LPO: variants seen among roughly 807,000 people sequenced by gnomAD.
LPO encodes the protein salivary peroxidase.
In LPO, 70 loss-of-function variants were observed where a neutral mutation model predicts 68.4. The observed-to-expected ratio is 1.02, with a 90% CI of 0.84 to 1.25. LPO has a LOEUF of 1.25. Among genes scored for constraint, LPO ranks in the 50% most tolerant of loss-of-function variants. The pLI, the probability that LPO is intolerant of heterozygous loss-of-function variation, is 0.00. For missense variants in LPO, 873 were observed against 908.4 expected, an observed-to-expected ratio of 0.96 and a Z score of 0.50; for synonymous variants, 360 against 357.6, an observed-to-expected ratio of 1.01 and a Z score of -0.08.
At chr17:58,255,121 A>T (rs1459143567) in intron 9 of LPO, 150 bp downstream of exon 9, 1 of 699,032 alleles carries the variant, frequency 1.4e-6, no homozygotes, top group Non-Finnish European at 2.3e-6. Context: ...TTGTTGTCTC[A>T]TTCTTTGAAA....
chr17:58,246,632 A>G (rs1325897999), intron 3 of LPO, among the ~76,000 whole-genome samples: 1 of 152,174 alleles, frequency 6.6e-6, no homozygotes, highest in East Asian at 1.9e-4. Context: ...TTACAGGCTA[A>G]GCCCAGGGAG....
chr17:58,253,022 CAAAA>C (rs765890765), intron 8 of LPO, among the ~76,000 whole-genome samples: 51 of 31,104 alleles, frequency 1.6e-3, no homozygotes, highest in African/African-American at 5.9e-3. Flanking sequence ...GACTCCATCT[CAAAA>C]AAAAAAAAAA....
chr17:58,252,812 A>G (rs1269942581), intron 8 of LPO, among the ~76,000 whole-genome samples: 1 of 152,088 alleles, frequency 6.6e-6, no homozygotes, highest in Non-Finnish European at 1.5e-5. Context: ...TCATGAGGTC[A>G]CGAGATCGAG....
chr17:58,247,392 T>TAC, intron 3 of LPO, 86 bp from the exon 4 acceptor site: 1 of 1,284,606 alleles, frequency 7.8e-7, no homozygotes, highest in South Asian at 1.4e-5. Context: ...GGCCATGTTG[T>TAC]ACACACACCC....
At chr17:58,255,689 T>C (rs1970057741) in intron 9 of LPO, among the ~76,000 whole-genome samples, 1 of 152,124 alleles carries the variant, frequency 6.6e-6, no homozygotes, top group African/African-American at 2.4e-5. Context: ...ATTCTAAGAA[T>C]TGTACAGGAA....
Position 58,268,158 on chromosome 17 carries a change from G to A in LPO, c.*164G>A. On this transcript the variant is annotated 3_prime_UTR_variant, in exon 13 of 13. Coordinates refer to ENST00000262290, the MANE Select transcript of LPO (RefSeq NM_006151.3). ...AGCTTGCTCAGGCCCCAGGGTGGCT[G>A]CCTCGGCCCTCCCAGCTCTTACACT... 3.0e-6 allele frequency: 2 copies of A among 667,368 alleles called. No homozygotes were observed. Among genetic ancestry groups the A allele is most frequent in the Non-Finnish European group, 5.0e-6 (2 of 397,830 alleles). The allele number at this position is 667,368 out of a possible 1,614,324, so 41.3% of individuals were successfully genotyped here. A position where few individuals can be genotyped will look rare whatever the true frequency, so the allele number is the denominator to read the frequency against.
chr17:58,267,953 G>A lies in LPO; in HGVS notation c.2098G>A (p.Asp700Asn), dbSNP rs8178412. ...PYDFVDCSAI[D>N]KLDLSPWASV... is the part of the protein sequence containing the mutation. ...TGACTTCGTGGATTGCTCAGCCATC[G>A]ACAAGCTGGACCTGTCACCCTGGGC... Residue 700 changes from aspartate to asparagine, a missense_variant, in exon 13 of 13, where the codon GAC (aspartate) becomes AAC (asparagine). Coordinates refer to ENST00000262290, the MANE Select transcript of LPO (RefSeq NM_006151.3). The A allele has an allele frequency of 7.2e-5, 117 of 1,614,042 alleles. 1 individual carries two copies. In the East Asian group the frequency reaches 2.0e-3, roughly 28 times the overall value.
At chr17:58,248,702 A>G (rs945901678) in intron 4 of LPO, among the ~76,000 whole-genome samples, 1 of 152,052 alleles carries the variant, frequency 6.6e-6, no homozygotes, top group Non-Finnish European at 1.5e-5. Context: ...TCATACTAAC[A>G]TATGCTTAAC....
intron 9 of LPO, among the ~76,000 whole-genome samples, chr17:58,263,641 G>A (rs1474463013): frequency 1.3e-5 from 2 of 152,042 alleles, no homozygotes; most frequent in Non-Finnish European, 2.9e-5. Context: ...TGGGGGTGCT[G>A]AGGCAAGAGG....
rs1368668566 is a variant in LPO at position 58,267,419 on chromosome 17, G to A, written c.1764G>A (p.Leu588=). 2 of 1,614,114 alleles carry A rather than the reference G, an allele frequency of 1.2e-6. No individual in the cohort carries two copies. The highest frequency in any genetic ancestry group is 1.7e-5 in the Admixed American group (1 of 60,006). ...CACTAGAGGAGTTGAACACAGTGCT[G>A]AAGAGCAAGATGCTGGCCAAGAAGT... is the stretch of plus-strand genomic sequence containing the variant. ...PQTLEELNTV[L]KSKMLAKKLL... The change falls in exon 12 of 13, where the codon CTG becomes CTA. Residue 588 remains leucine (L), a synonymous_variant. Transcript: ENST00000262290.
intron 1 of LPO, chr17:58,242,736 C>A: frequency 6.6e-6 from 3 of 453,716 alleles, no homozygotes; most frequent in Non-Finnish European, 1.2e-5. Context: ...TAACTCAGGG[C>A]CTTAGATCCT....
intron 7 of LPO, 96 bp downstream of exon 7, chr17:58,250,717 T>C (rs2143907152): frequency 1.6e-6 from 2 of 1,278,958 alleles, no homozygotes; most frequent in East Asian, 4.8e-5. Flanking sequence ...TGGATAGATC[T>C]GGGATACTGA....
At position 58,250,601 on chromosome 17, in the gene LPO, G is replaced by C; in HGVS notation, c.760G>C (p.Asp254His). The C allele has an allele frequency of 6.2e-7, 1 of 1,614,092 alleles. No individual in the cohort carries two copies. Among genetic ancestry groups the C allele is most frequent in the African/African-American group, 1.3e-5 (1 of 74,996 alleles). ...AQCDEYCIQG[D>H]NCFPIMFPPN... ...GTGTGATGAGTACTGTATCCAGGGA[G>C]ACAACTGCTTCCCCATCATGGTACG... Residue 254 changes from aspartate to histidine, a missense_variant, in exon 7 of 13, where the codon GAC becomes CAC. By Grantham distance (81) the Asp-to-His change is moderately conservative. Transcript: ENST00000262290.
rs142966963 is a variant in LPO at position 58,252,356 on chromosome 17, C to A, written c.955C>A (p.Arg319Ser). 6.8e-6 allele frequency: 11 copies of A among 1,614,218 alleles called. No individual in the cohort carries two copies. Among genetic ancestry groups the A allele is most frequent in the African/African-American group, 1.3e-5 (1 of 75,052 alleles). Reference protein sequence around the residue: ...VYSSEPSLASRLRNLSSPLGL... With the variant: ...VYSSEPSLASSLRNLSSPLGL... ...CAGCTCCGAGCCAAGCCTGGCCAGC[C>A]GCCTCCGCAACCTCAGCAGCCCCCT... The change falls in exon 8 of 13, where the codon CGC (arginine) becomes AGC (serine). Residue 319 changes from arginine to serine, a missense_variant. Arg to Ser is a moderately radical substitution (Grantham distance 110). Coordinates refer to ENST00000262290, the MANE Select transcript of LPO (RefSeq NM_006151.3).
chr17:58,247,783 G>A (rs776611534), intron 4 of LPO, 145 bp downstream of exon 4: 54 of 910,232 alleles, frequency 5.9e-5, no homozygotes, highest in Non-Finnish European at 7.6e-5. Flanking sequence ...ACCCGTAGAC[G>A]AGACTGGCAG....
At chr17:58,247,667 C>T (rs750583187) in intron 4 of LPO, 29 bp downstream of exon 4, 2 of 1,604,536 alleles carry the variant, frequency 1.2e-6, no homozygotes, top group Non-Finnish European at 1.7e-6. Context: ...CCCTCTGTGG[C>T]AGGAAGGGGT....
At chr17:58,247,335 T>TGTGGCTA in intron 3 of LPO, 143 bp from the exon 4 acceptor site, 1 of 626,232 alleles carries the variant, frequency 1.6e-6, no homozygotes, top group South Asian at 2.3e-5. Flanking sequence ...AATAGCCACA[T>TGTGGCTA]GTGGTTAGTG....
At chr17:58,250,318 T>C (rs1019300477) in intron 6 of LPO, 97 bp from the exon 7 acceptor site, 51 of 959,688 alleles carry the variant, frequency 5.3e-5, no homozygotes, top group Non-Finnish European at 7.5e-5. Context: ...TTAAGTGCAC[T>C]TGTAACATGG....
chr17:58,239,870 G>A (rs773570286), intron 1 of LPO, among the ~76,000 whole-genome samples: 11 of 152,142 alleles, frequency 7.2e-5, no homozygotes, highest in Non-Finnish European at 1.5e-4. Context: ...GAGGCTTGCC[G>A]AGGGACTATC....
Sources: gnomAD v4.1 joint callset for allele counts (sites outside exome capture counted in the v4.1 genomes callset) on GRCh38, gnomAD v4.1.1 for gene constraint, MANE v1.5 for transcripts, NCBI Gene and HGNC (gene_info 2026-07-23, HGNC 2026-07-21) for gene names.